TMEM232: variants seen among roughly 807,000 people sequenced by gnomAD.
The protein encoded by TMEM232 is transmembrane protein 232.
TMEM232 carries 80 observed loss-of-function variants against 78.8 expected under a neutral mutation model. That is an observed-to-expected ratio of 1.01 (90% CI 0.85 to 1.22). The LOEUF (loss-of-function observed/expected upper bound fraction) is 1.22. TMEM232 is among the 50% of genes most tolerant of loss of function. The pLI is 0.00. For missense variants in TMEM232, 881 were observed against 742.2 expected, an observed-to-expected ratio of 1.19 and a Z score of -2.17; for synonymous variants, 297 against 254.3, an observed-to-expected ratio of 1.17 and a Z score of -1.60.
chr5:110,396,504 A>G (rs1434667225), intron 3 of TMEM232, among the ~76,000 whole-genome samples: 2 of 152,216 alleles, frequency 1.3e-5, no homozygotes, highest in African/African-American at 4.8e-5. Flanking sequence ...AAGACATGGC[A>G]TAGAGATGTG....
rs1016127605 is a variant in TMEM232 at position 110,638,113 on chromosome 5, C to T, written c.501+85G>A. ...ATATTCTATAATAAAACTAAATGTT[C>T]TGTTTTGATCCTAAAACAGATGTCA... On this transcript the variant is annotated intron_variant, in intron 5 of 13. Coordinates refer to ENST00000455884, the MANE Select transcript of TMEM232 (RefSeq NM_001039763.4). 2.8e-6 allele frequency: 3 copies of T among 1,052,806 alleles called. No homozygotes were observed. The African/African-American group carries it at 4.9e-5, about 17-fold the overall frequency. 65.2% of individuals were successfully genotyped at this position (1,052,806 alleles called of 1,614,324 possible). A position where few individuals can be genotyped will look rare whatever the true frequency, so the allele number is the denominator to read the frequency against.
chr5:110,582,014 C>T (rs1258000288), intron 10 of TMEM232, among the ~76,000 whole-genome samples: 1 of 151,766 alleles, frequency 6.6e-6, no homozygotes, highest in Non-Finnish European at 1.5e-5. Flanking sequence ...ATAACAGATT[C>T]CGGCAAAAGT....
At chr5:110,630,092 A>T (rs1444726537) in intron 5 of TMEM232, among the ~76,000 whole-genome samples, 1 of 152,210 alleles carries the variant, frequency 6.6e-6, no homozygotes, top group Non-Finnish European at 1.5e-5. Context: ...CAGATATGTA[A>T]TGAAAACCCT....
chr5:110,703,276 GCTTGTAATTTAT>G (rs551335885), intron 1 of TMEM232, among the ~76,000 whole-genome samples: 12,934 of 152,024 alleles, frequency 0.085, 576 homozygotes, highest in Admixed American at 0.12. Flanking sequence ...CCCCACCCTT[GCTTGTAATTTAT>G]GGTATGGACC....
chr5:110,455,239 C>A (rs868817126), intron 12 of TMEM232, among the ~76,000 whole-genome samples: 3 of 152,082 alleles, frequency 2.0e-5, no homozygotes, highest in Non-Finnish European at 2.9e-5. Flanking sequence ...AGATATAATG[C>A]CAATTTTACA....
chr5:110,727,021 T>G (rs2150365576), upstream of TMEM232, among the ~76,000 whole-genome samples: 1 of 152,272 alleles, frequency 6.6e-6, no homozygotes, highest in Non-Finnish European at 1.5e-5. Context: ...TAAATTAAAT[T>G]GCCGTTCGTA....
intron 1 of TMEM232, among the ~76,000 whole-genome samples, chr5:110,690,765 A>G (rs887759571): frequency 1.3e-5 from 2 of 152,256 alleles, no homozygotes; most frequent in Non-Finnish European, 1.5e-5. Flanking sequence ...AAAATGTAGC[A>G]CATATACACC....
rs564522560 is a variant in TMEM232 at position 110,530,654 on chromosome 5, T to C, written c.1456-1819A>G. ...AAAGACAAATACCACATGATCTCAC[T>C]TACATGTAAAATCTAAAATGTTGAT... On this transcript the variant is annotated intron_variant, in intron 11 of 13. Transcript: ENST00000455884. 3.9e-5 allele frequency among the ~76,000 whole-genome samples: 6 copies of C among 152,264 alleles called. No individual in the cohort carries two copies. In the South Asian group the frequency reaches 1.0e-3, roughly 26 times the overall value.
intron 1 of TMEM232, among the ~76,000 whole-genome samples, chr5:110,687,273 G>C (rs1340886305): frequency 2.0e-5 from 3 of 152,064 alleles, no homozygotes; most frequent in Admixed American, 6.6e-5. Context: ...CTTAGGAACT[G>C]CCTCTTCTTT....
At chr5:110,725,348 T>C (rs1798048300) in intron 1 of TMEM232, among the ~76,000 whole-genome samples, 1 of 152,200 alleles carries the variant, frequency 6.6e-6, no homozygotes, top group South Asian at 2.1e-4. Context: ...AAGAAATCTT[T>C]AGAACATCAT....
At chr5:110,636,636 T>C (rs1015800643) in intron 5 of TMEM232, among the ~76,000 whole-genome samples, 1 of 152,026 alleles carries the variant, frequency 6.6e-6, no homozygotes, top group Admixed American at 6.6e-5. Flanking sequence ...CACTGGACTC[T>C]GTAGCCACAT....
intron 2 of TMEM232, among the ~76,000 whole-genome samples, chr5:110,409,313 T>C (rs1277153465): frequency 3.3e-5 from 5 of 152,206 alleles, no homozygotes; most frequent in Admixed American, 6.5e-5. Flanking sequence ...ACACAACTTA[T>C]ATGGAGCCAA....
chr5:110,551,352 A>G (rs1333284007), intron 11 of TMEM232, among the ~76,000 whole-genome samples: 1 of 151,944 alleles, frequency 6.6e-6, no homozygotes, highest in Non-Finnish European at 1.5e-5. Context: ...GCCTCCCAGT[A>G]GATGGGATTA....
intron 7 of TMEM232, among the ~76,000 whole-genome samples, chr5:110,624,340 G>C (rs1217078051): frequency 1.3e-5 from 2 of 151,920 alleles, no homozygotes; most frequent in Non-Finnish European, 2.9e-5. Flanking sequence ...CCCTGTAAAA[G>C]AGTTAGGGCA....
At chr5:110,472,233 C>A (rs1305534438) in intron 12 of TMEM232, among the ~76,000 whole-genome samples, 3 of 150,824 alleles carry the variant, frequency 2.0e-5, no homozygotes, top group Admixed American at 1.3e-4. Flanking sequence ...AAATTGGTAG[C>A]ATTTTTACAT....
intron 5 of TMEM232, among the ~76,000 whole-genome samples, chr5:110,630,077 T>A (rs1324628072): frequency 6.6e-6 from 1 of 152,154 alleles, no homozygotes; most frequent in Non-Finnish European, 1.5e-5. Flanking sequence ...TTTCCAATAG[T>A]CTTTCAGATA....
chr5:110,436,767 G>A (rs143841319), intron 12 of TMEM232, among the ~76,000 whole-genome samples: 2,798 of 152,006 alleles, frequency 0.018, 29 homozygotes, highest in South Asian at 0.03. Flanking sequence ...GTTCACTGTA[G>A]CTATGTGGAT....
intron 8 of TMEM232, chr5:110,617,800 TA>T: frequency 6.5e-6 from 1 of 153,922 alleles, no homozygotes; most frequent in Non-Finnish European, 1.4e-5. Flanking sequence ...CTGTCTCTAC[TA>T]AAAAATCAAC....
rs531281123 is a variant in TMEM232, at chr5:110,632,359, G to A, written c.502-4479C>T. Among the ~76,000 whole-genome samples the A allele has an allele frequency of 1.1e-4, 17 of 152,012 alleles. No individual in the cohort carries two copies. The East Asian group carries it at 3.3e-3, about 29-fold the overall frequency. On this transcript the variant is annotated intron_variant, in intron 5 of 13. Transcript: ENST00000455884. ...ACATGAAAAAAAAACAGGGAAAGAT[G>A]ATACTTCCAAAGGAATACAATAATT...
Sources: allele counts gnomAD v4.1 joint callset (sites outside exome capture counted in the v4.1 genomes callset), GRCh38; gene constraint gnomAD v4.1.1; transcripts MANE v1.5; gene names NCBI Gene and HGNC (gene_info 2026-07-23, HGNC 2026-07-21).